Variants in ASCC3 observed in about 807,000 individuals in gnomAD.
The protein encoded by ASCC3 is activating signal cointegrator 1 complex subunit 3.
ASCC3 carries 158 observed loss-of-function variants against 256.3 expected under a neutral mutation model. That is an observed-to-expected ratio of 0.62 (90% CI 0.54 to 0.70). The LOEUF (loss-of-function observed/expected upper bound fraction) is 0.70. Ranked by LOEUF, ASCC3 falls within the 30% of genes least tolerant of loss-of-function variation. The probability of loss-of-function intolerance (pLI) is 0.00; values close to 1 mark genes in which losing one functional copy is unlikely to be tolerated. For synonymous variants in ASCC3, 948 were observed against 883.4 expected, an observed-to-expected ratio of 1.07 and a Z score of -1.30; for missense variants, 2,259 against 2,626.0, an observed-to-expected ratio of 0.86 and a Z score of 3.05.
chr6:100,716,208 A>T (rs1779080857), intron 12 of ASCC3, among the ~76,000 whole-genome samples: 1 of 151,898 alleles, frequency 6.6e-6, no homozygotes, highest in Non-Finnish European at 1.5e-5. Context: ...AAGTTAATAC[A>T]TGCATATAAT....
At chr6:100,850,541 C>T (rs543560802) in intron 3 of ASCC3, among the ~76,000 whole-genome samples, 2 of 152,274 alleles carry the variant, frequency 1.3e-5, no homozygotes, top group Middle Eastern at 3.4e-3. Context: ...GCCTCACTGA[C>T]ACCAGATTAG....
chr6:100,693,195 A>G (rs1777919542), intron 13 of ASCC3, among the ~76,000 whole-genome samples: 1 of 152,116 alleles, frequency 6.6e-6, no homozygotes. Flanking sequence ...TGTTGAAAGC[A>G]TTTAAATTGA....
chr6:100,739,863 T>A (rs1232203053), intron 10 of ASCC3, among the ~76,000 whole-genome samples: 1 of 152,178 alleles, frequency 6.6e-6, no homozygotes, highest in Non-Finnish European at 1.5e-5. Context: ...AACAATTTTG[T>A]TAATTTTTTT....
intron 3 of ASCC3, among the ~76,000 whole-genome samples, chr6:100,853,448 G>A (rs931956411): frequency 1.5e-5 from 2 of 131,414 alleles, no homozygotes; most frequent in Non-Finnish European, 3.2e-5. Context: ...TTGAGACGGA[G>A]TCTTGCTCTG....
intron 34 of ASCC3, among the ~76,000 whole-genome samples, chr6:100,596,363 C>A (rs1379865482): frequency 1.3e-5 from 2 of 152,072 alleles, no homozygotes; most frequent in East Asian, 3.8e-4. Flanking sequence ...TATTTAAATC[C>A]TCTTTTTTAT....
chr6:100,620,332 ACAAT>A (rs1431454641), intron 30 of ASCC3, among the ~76,000 whole-genome samples: 2 of 152,208 alleles, frequency 1.3e-5, no homozygotes, highest in Non-Finnish European at 2.9e-5. Context: ...ATTCCTAATG[ACAAT>A]ATGGAAAGGT....
intron 2 of ASCC3, 102 bp from the exon 3 acceptor site, chr6:100,864,316 C>T: frequency 9.6e-7 from 1 of 1,041,742 alleles, no homozygotes; most frequent in Non-Finnish European, 1.4e-6. Context: ...CTTGGTACTA[C>T]CCACAAGAAT....
chr6:100,757,891 C>T (rs1781255929), intron 10 of ASCC3, among the ~76,000 whole-genome samples: 1 of 152,104 alleles, frequency 6.6e-6, no homozygotes, highest in Non-Finnish European at 1.5e-5. Flanking sequence ...TAAGACTTCT[C>T]TTTCTATACA....
At chr6:100,820,992 C>G (rs530787861) in intron 4 of ASCC3, among the ~76,000 whole-genome samples, 1 of 152,204 alleles carries the variant, frequency 6.6e-6, no homozygotes, top group African/African-American at 2.4e-5. Flanking sequence ...GTGGAGAAAA[C>G]AGTTTGCTGT....
chr6:100,605,607 T>C lies in ASCC3; in HGVS notation c.5138A>G (p.Tyr1713Cys), dbSNP rs1480534565. 13 of 1,575,392 alleles carry C rather than the reference T, an allele frequency of 8.3e-6. No individual in the cohort carries two copies. Among genetic ancestry groups the C allele is most frequent in the African/African-American group, 1.4e-5 (1 of 74,016 alleles). ...GAAAGGTTCATAAAGAAATTTTTTA[T>C]AAAAGTCTTTCTTTATGTCATGAAC... ...ILVHDIKKDF[Y>C]KKFLYEPFPV... is the part of the protein sequence containing the mutation. Residue 1713 changes from tyrosine to cysteine, a missense_variant, in exon 33 of 42, where the codon TAT becomes TGT. Tyr to Cys is a radical substitution (Grantham distance 194). Transcript: ENST00000369162.
intron 7 of ASCC3, 69 bp from the exon 8 acceptor site, chr6:100,798,907 T>G (rs376196328): frequency 7.3e-7 from 1 of 1,370,720 alleles, no homozygotes. Context: ...AAATATTCTT[T>G]AGAGAGAGAC....
At chr6:100,761,320 T>C (rs761560911) in intron 10 of ASCC3, among the ~76,000 whole-genome samples, 8 of 152,030 alleles carry the variant, frequency 5.3e-5, no homozygotes, top group Non-Finnish European at 1.0e-4. Flanking sequence ...CAATACCTCA[T>C]TGCTACAAAA....
intron 36 of ASCC3, among the ~76,000 whole-genome samples, chr6:100,553,055 G>A (rs568038990): frequency 6.6e-6 from 1 of 152,100 alleles, no homozygotes; most frequent in Non-Finnish European, 1.5e-5. Context: ...GTTTCTCTAA[G>A]CTCTTTAGAA....
intron 3 of ASCC3, chr6:100,858,740 T>C (rs1773079467): frequency 9.5e-7 from 1 of 1,047,548 alleles, no homozygotes; most frequent in Non-Finnish European, 1.2e-6. Context: ...TGCAGTATGC[T>C]TCTCCTGAGA....
chr6:100,751,241 A>C (rs1216657122), intron 10 of ASCC3, among the ~76,000 whole-genome samples: 2 of 152,108 alleles, frequency 1.3e-5, no homozygotes, highest in African/African-American at 4.8e-5. Flanking sequence ...GTTATGTTAC[A>C]CTAATATATC....
At chr6:100,757,146 T>C (rs1169734764) in intron 10 of ASCC3, among the ~76,000 whole-genome samples, 1 of 152,046 alleles carries the variant, frequency 6.6e-6, no homozygotes, top group Non-Finnish European at 1.5e-5. Context: ...TACATGAGAA[T>C]AAAATAATGA....
chr6:100,690,074 T>C (rs1362431487), intron 13 of ASCC3, among the ~76,000 whole-genome samples: 3 of 152,228 alleles, frequency 2.0e-5, no homozygotes, highest in Admixed American at 1.3e-4. Context: ...TTGGTATCCA[T>C]GGGAGACTGG....
intron 14 of ASCC3, among the ~76,000 whole-genome samples, chr6:100,672,413 T>G (rs1422603736): frequency 1.3e-5 from 2 of 152,054 alleles, no homozygotes; most frequent in African/African-American, 4.8e-5. Context: ...AGATCTCATA[T>G]AGTAAGGTTA....
At chr6:100,691,937 C>A (rs1297086723) in intron 13 of ASCC3, among the ~76,000 whole-genome samples, 7 of 151,740 alleles carry the variant, frequency 4.6e-5, no homozygotes, top group South Asian at 4.2e-4. Flanking sequence ...ACAGTACCTG[C>A]CTTACAAGGG....
Sources: gnomAD v4.1 joint callset for allele counts (sites outside exome capture counted in the v4.1 genomes callset) on GRCh38, gnomAD v4.1.1 for gene constraint, MANE v1.5 for transcripts, NCBI Gene and HGNC (gene_info 2026-07-23, HGNC 2026-07-21) for gene names.